UNC5C: variants seen among roughly 807,000 people sequenced by gnomAD.
The protein encoded by UNC5C is netrin receptor UNC5C.
A neutral mutation model predicts 99.8 loss-of-function variants in UNC5C; 47 were observed. That is an observed-to-expected ratio of 0.47 (90% CI 0.37 to 0.60). The LOEUF (loss-of-function observed/expected upper bound fraction) is 0.60. UNC5C is among the 20% of genes least tolerant of loss of function. The pLI is 0.00. For synonymous variants in UNC5C, 487 were observed against 452.2 expected, an observed-to-expected ratio of 1.08 and a Z score of -0.98; for missense variants, 1,062 against 1,165.9, an observed-to-expected ratio of 0.91 and a Z score of 1.30.
intron 3 of UNC5C, among the ~76,000 whole-genome samples, chr4:95,295,487 T>C (rs948225378): frequency 3.9e-5 from 6 of 152,234 alleles, no homozygotes; most frequent in African/African-American, 1.2e-4. Flanking sequence ...TTTTACATTT[T>C]ACATGGTTTG....
At chr4:95,373,635 A>C (rs1010146900) in intron 1 of UNC5C, among the ~76,000 whole-genome samples, 3 of 152,186 alleles carry the variant, frequency 2.0e-5, no homozygotes, top group African/African-American at 7.2e-5. Flanking sequence ...TATCCTCAGC[A>C]CTAGCACAGC....
intron 1 of UNC5C, among the ~76,000 whole-genome samples, chr4:95,462,214 T>A (rs1209207270): frequency 2.6e-5 from 4 of 152,186 alleles, no homozygotes; most frequent in Non-Finnish European, 4.4e-5. Context: ...GTTTGACATA[T>A]GTATGTGTAC....
intron 3 of UNC5C, among the ~76,000 whole-genome samples, chr4:95,301,094 T>A (rs1016325527): frequency 1.3e-5 from 2 of 151,148 alleles, no homozygotes; most frequent in Non-Finnish European, 2.9e-5. Context: ...CCCACAAAAA[T>A]TAAAAAATAA....
At chr4:95,505,790 T>C (rs774854244) in intron 1 of UNC5C, among the ~76,000 whole-genome samples, 18 of 152,034 alleles carry the variant, frequency 1.2e-4, no homozygotes, top group Non-Finnish European at 2.5e-4. Flanking sequence ...ACAGGAGATG[T>C]TGAAAAGGCA....
At chr4:95,288,495 C>G (rs141295219) in intron 3 of UNC5C, among the ~76,000 whole-genome samples, 1 of 152,188 alleles carries the variant, frequency 6.6e-6, no homozygotes, top group Non-Finnish European at 1.5e-5. Context: ...ATGGATGCCG[C>G]GTAGCAGCTG....
At chr4:95,222,285 T>G in intron 7 of UNC5C, 1 of 1,384,668 alleles carries the variant, frequency 7.2e-7, no homozygotes, top group Non-Finnish European at 9.5e-7. Flanking sequence ...GAAAAAAAAA[T>G]GAAACAAAAA....
Position 95,548,906 on chromosome 4 carries a change from C to T in UNC5C, c.-49G>A. 1 of 1,605,990 alleles carries T rather than the reference C, an allele frequency of 6.2e-7. No homozygotes were observed. The highest frequency in any genetic ancestry group is 8.5e-7 in the Non-Finnish European group (1 of 1,176,344). On this transcript the variant is annotated 5_prime_UTR_variant, in exon 1 of 16. Transcript: ENST00000453304. The stretch of plus-strand genomic sequence containing the variant: ...GAGGGGAGGGGGACAGAGAGACGCG[C>T]AAACAGCTGAAAGCCCCACTGGGCA...
At chr4:95,307,453 C>A (rs1429435105) in intron 2 of UNC5C, among the ~76,000 whole-genome samples, 3 of 151,964 alleles carry the variant, frequency 2.0e-5, no homozygotes, top group Non-Finnish European at 4.4e-5. Context: ...AATAGAAAAC[C>A]TGAACAGACC....
intron 1 of UNC5C, among the ~76,000 whole-genome samples, chr4:95,457,084 T>G (rs1560839862): frequency 6.6e-6 from 1 of 152,134 alleles, no homozygotes; most frequent in Non-Finnish European, 1.5e-5. Context: ...TAATCAGAAA[T>G]TTCCCACAAT....
intron 14 of UNC5C, among the ~76,000 whole-genome samples, chr4:95,173,081 C>T (rs906535102): frequency 2.0e-5 from 3 of 151,762 alleles, no homozygotes; most frequent in African/African-American, 7.3e-5. Flanking sequence ...GATTTTTGTA[C>T]ATTGATTTTG....
chr4:95,318,538 C>T (rs1742563439), intron 2 of UNC5C, among the ~76,000 whole-genome samples: 1 of 152,180 alleles, frequency 6.6e-6, no homozygotes, highest in African/African-American at 2.4e-5. Context: ...AAACTGTCTG[C>T]CATGCAGTGT....
chr4:95,203,280 A>G (rs1317553378), intron 11 of UNC5C, among the ~76,000 whole-genome samples: 3 of 152,184 alleles, frequency 2.0e-5, no homozygotes, highest in Non-Finnish European at 4.4e-5. Flanking sequence ...TTAATATGCA[A>G]TTCTACTATG....
At chr4:95,174,364 C>A in intron 14 of UNC5C, among the ~76,000 whole-genome samples, 1 of 152,166 alleles carries the variant, frequency 6.6e-6, no homozygotes, top group Non-Finnish European at 1.5e-5. Context: ...TTCCTGCTTT[C>A]TCTTGTGGGC....
intron 7 of UNC5C, among the ~76,000 whole-genome samples, chr4:95,226,709 T>C (rs6850673): frequency 0.091 from 13,874 of 152,268 alleles, 886 homozygotes; most frequent in Non-Finnish European, 0.14. Context: ...GATATGGTGG[T>C]ATGTTTCCAA....
chr4:95,187,093 T>G (rs1354966662), intron 12 of UNC5C, among the ~76,000 whole-genome samples: 1 of 152,182 alleles, frequency 6.6e-6, no homozygotes, highest in East Asian at 1.9e-4. Flanking sequence ...GAAGGCATAA[T>G]GAGCTTATGT....
intron 1 of UNC5C, among the ~76,000 whole-genome samples, chr4:95,405,743 T>C (rs1043949852): frequency 6.6e-6 from 1 of 152,202 alleles, no homozygotes; most frequent in Non-Finnish European, 1.5e-5. Flanking sequence ...TCCTGTTTTA[T>C]TGCTGCGTGC....
intron 2 of UNC5C, among the ~76,000 whole-genome samples, chr4:95,317,206 C>T (rs375805403): frequency 6.6e-6 from 1 of 152,088 alleles, no homozygotes; most frequent in Non-Finnish European, 1.5e-5. Flanking sequence ...CCCAGCTTAG[C>T]GCTCATGCAA....
chr4:95,243,713 A>G (rs1739406015), intron 6 of UNC5C, among the ~76,000 whole-genome samples: 1 of 152,234 alleles, frequency 6.6e-6, no homozygotes, highest in African/African-American at 2.4e-5. Flanking sequence ...ACATACCCAC[A>G]TGAAAAATGA....
chr4:95,338,952 A>C (rs1389929243), intron 1 of UNC5C, among the ~76,000 whole-genome samples: 1 of 152,094 alleles, frequency 6.6e-6, no homozygotes, highest in African/African-American at 2.4e-5. Flanking sequence ...GCAGAACATT[A>C]AACCAAACAC....
Sources: allele counts gnomAD v4.1 joint callset (sites outside exome capture counted in the v4.1 genomes callset), GRCh38; gene constraint gnomAD v4.1.1; transcripts MANE v1.5; gene names NCBI Gene and HGNC (gene_info 2026-07-23, HGNC 2026-07-21).